The following SPMIP2 variants were observed in gnomAD, a reference collection of about 807,000 sequenced individuals.
The protein encoded by SPMIP2 is sperm microtubule inner protein 2.
chr4:158,903,290 C>G, the SPMIP2 span, among the ~76,000 whole-genome samples: 1 of 152,118 alleles, frequency 6.6e-6, no homozygotes, highest in Non-Finnish European at 1.5e-5. Flanking sequence ...CTTCTACTTG[C>G]CCTCTGTGGG....
At chr4:158,973,013 C>T in the SPMIP2 span, 1 of 1,071,062 alleles carries the variant, frequency 9.3e-7, no homozygotes, top group Non-Finnish European at 1.3e-6. Context: ...CCTTTGGAAG[C>T]AAATTCATAA....
the SPMIP2 span, among the ~76,000 whole-genome samples, chr4:159,009,648 CT>C: frequency 2.6e-5 from 4 of 152,184 alleles, no homozygotes; most frequent in South Asian, 8.3e-4. Flanking sequence ...GTTTCCGTTG[CT>C]ATTGAGAGGC....
At chr4:159,016,295 C>T in the SPMIP2 span, among the ~76,000 whole-genome samples, 9 of 152,134 alleles carry the variant, frequency 5.9e-5, no homozygotes, top group East Asian at 1.9e-4. Context: ...TAGTTTTCCA[C>T]GCACTTCAAA....
the SPMIP2 span, among the ~76,000 whole-genome samples, chr4:159,012,728 T>C: frequency 3.3e-5 from 5 of 152,038 alleles, no homozygotes; most frequent in Non-Finnish European, 5.9e-5. Context: ...CTCAACACCA[T>C]GCCCAGCTAA....
the SPMIP2 span, chr4:159,007,667 A>G: frequency 1.4e-6 from 1 of 726,966 alleles, no homozygotes; most frequent in Non-Finnish European, 2.4e-6. Context: ...AGACTCATGT[A>G]ATGGACTACT....
chr4:159,042,338 A>C, the SPMIP2 span, among the ~76,000 whole-genome samples: 3 of 152,178 alleles, frequency 2.0e-5, no homozygotes, highest in Non-Finnish European at 4.4e-5. Flanking sequence ...GCTGCTGCTC[A>C]AACCTGTTTT....
chr4:159,007,641 G>T, the SPMIP2 span: 1 of 852,156 alleles, frequency 1.2e-6, no homozygotes, highest in Admixed American at 1.8e-5. Context: ...GGATGCTGTG[G>T]CCAAGGCCTC....
the SPMIP2 span, among the ~76,000 whole-genome samples, chr4:159,043,448 C>T: frequency 2.0e-5 from 3 of 151,980 alleles, no homozygotes; most frequent in Non-Finnish European, 2.9e-5. Context: ...CCAGGGTTCA[C>T]GCCATTCTCC....
At chr4:159,001,451 C>T in the SPMIP2 span, among the ~76,000 whole-genome samples, 1 of 152,178 alleles carries the variant, frequency 6.6e-6, no homozygotes, top group African/African-American at 2.4e-5. Context: ...GATTGTCACC[C>T]AGGTACTAAG....
the SPMIP2 span, among the ~76,000 whole-genome samples, chr4:158,902,179 C>T: frequency 9.2e-5 from 14 of 152,120 alleles, no homozygotes; most frequent in Admixed American, 2.6e-4. Context: ...TCTGAGTGGA[C>T]GTCCTTTTTG....
chr4:158,939,332 T>C, the SPMIP2 span, among the ~76,000 whole-genome samples: 5 of 152,230 alleles, frequency 3.3e-5, no homozygotes, highest in Admixed American at 2.6e-4. Flanking sequence ...TAAAGATCCA[T>C]AGAACTAATC....
At chr4:158,921,000 TCTG>T in the SPMIP2 span, among the ~76,000 whole-genome samples, 1 of 152,212 alleles carries the variant, frequency 6.6e-6, no homozygotes, top group East Asian at 1.9e-4. Flanking sequence ...GTAAAATTCT[TCTG>T]TTTATACTCT....
chr4:158,946,795 T>C, the SPMIP2 span, among the ~76,000 whole-genome samples: 2 of 152,226 alleles, frequency 1.3e-5, no homozygotes, highest in Admixed American at 6.5e-5. Context: ...AATCATGTAT[T>C]AGGCTGTTTC....
At chr4:159,013,120 C>G in the SPMIP2 span, among the ~76,000 whole-genome samples, 83 of 152,164 alleles carry the variant, frequency 5.5e-4, no homozygotes, top group Non-Finnish European at 8.4e-4. Flanking sequence ...AAATGGGAAC[C>G]CTGTATGTTG....
the SPMIP2 span, among the ~76,000 whole-genome samples, chr4:159,076,931 G>A: frequency 5.9e-5 from 9 of 151,908 alleles, no homozygotes; most frequent in East Asian, 1.7e-3. Context: ...CACCTCCTAG[G>A]TTAGACCGAT....
the SPMIP2 span, among the ~76,000 whole-genome samples, chr4:158,954,171 G>A: frequency 7.4e-3 from 1,124 of 152,270 alleles, 8 homozygotes; most frequent in African/African-American, 0.02. Flanking sequence ...ATCTTGAATT[G>A]TACTCCCATA....
At chr4:158,955,145 TAC>T in the SPMIP2 span, among the ~76,000 whole-genome samples, 1 of 151,544 alleles carries the variant, frequency 6.6e-6, no homozygotes, top group African/African-American at 2.4e-5. Flanking sequence ...AGATTTAAAA[TAC>T]ACACACACAC....
the SPMIP2 span, among the ~76,000 whole-genome samples, chr4:158,961,941 C>T: frequency 4.6e-5 from 7 of 151,900 alleles, no homozygotes; most frequent in Non-Finnish European, 7.4e-5. Flanking sequence ...ATTTCAAAAC[C>T]AATATCTTCA....
the SPMIP2 span, among the ~76,000 whole-genome samples, chr4:159,042,109 G>C: frequency 6.6e-6 from 1 of 152,180 alleles, no homozygotes; most frequent in Non-Finnish European, 1.5e-5. Flanking sequence ...GTGGGCTATT[G>C]TAACTTCCCA....
Sources: gnomAD v4.1 joint callset for allele counts (sites outside exome capture counted in the v4.1 genomes callset) on GRCh38, gnomAD v4.1.1 for gene constraint, MANE v1.5 for transcripts, NCBI Gene and HGNC (gene_info 2026-07-23, HGNC 2026-07-21) for gene names.